Variants in SIL1 observed in about 807,000 individuals in gnomAD.
SIL1 encodes nucleotide exchange factor SIL1.
Under a neutral mutation model 49.1 loss-of-function variants are expected in SIL1, and 40 were observed. That is an observed-to-expected ratio of 0.81 (90% CI 0.63 to 1.06). SIL1 has a LOEUF of 1.06. Among genes scored for constraint, SIL1 ranks in the 50% least tolerant of loss-of-function variants. The pLI, the probability that SIL1 is intolerant of heterozygous loss-of-function variation, is 0.00. For missense variants in SIL1, 500 were observed against 572.6 expected (o/e 0.87, Z 1.29); for synonymous variants, 253 against 250.8 (o/e 1.01, Z -0.08).
chr5:139,147,769 A>C (rs542396000), intron 1 of SIL1, among the ~76,000 whole-genome samples: 183 of 152,388 alleles, frequency 1.2e-3, no homozygotes, highest in African/African-American at 4.3e-3. Context: ...ATTAGCTGAT[A>C]TTTAAATAAC....
At chr5:138,967,720 C>T (rs1298647201) in intron 7 of SIL1, among the ~76,000 whole-genome samples, 1 of 152,186 alleles carries the variant, frequency 6.6e-6, no homozygotes, top group Non-Finnish European at 1.5e-5. Context: ...GTGTGGATAT[C>T]AATGCCACAT....
At chr5:138,969,696 G>A (rs1046215932) in intron 7 of SIL1, among the ~76,000 whole-genome samples, 3 of 152,252 alleles carry the variant, frequency 2.0e-5, no homozygotes, top group African/African-American at 4.8e-5. Flanking sequence ...TATACGATCA[G>A]AAAGAATTGC....
chr5:139,152,073 G>C (rs753252763), intron 1 of SIL1, among the ~76,000 whole-genome samples: 1 of 152,224 alleles, frequency 6.6e-6, no homozygotes, highest in Non-Finnish European at 1.5e-5. Context: ...AGAGCAGGCA[G>C]AGCTGCAGCA....
At chr5:139,053,753 CTCCTCATCCT>C in intron 3 of SIL1, among the ~76,000 whole-genome samples, 1 of 152,232 alleles carries the variant, frequency 6.6e-6, no homozygotes. Context: ...CAGCCTCCAT[CTCCTCATCCT>C]TCCAATCCCA....
chr5:139,056,688 G>A (rs1769446998), intron 3 of SIL1, among the ~76,000 whole-genome samples: 2 of 150,908 alleles, frequency 1.3e-5, no homozygotes, highest in Non-Finnish European at 3.0e-5. Flanking sequence ...CGTCCGGGAG[G>A]GAGGTGGGGG....
At chr5:139,184,573 T>A (rs955131482) in intron 1 of SIL1, among the ~76,000 whole-genome samples, 3 of 152,032 alleles carry the variant, frequency 2.0e-5, no homozygotes, top group African/African-American at 7.2e-5. Flanking sequence ...CTCAGGAGGC[T>A]GAGGTGGGAG....
chr5:139,115,480 C>T (rs1227723750), intron 3 of SIL1, among the ~76,000 whole-genome samples: 1 of 152,108 alleles, frequency 6.6e-6, no homozygotes, highest in Non-Finnish European at 1.5e-5. Context: ...AGCCCCAGCC[C>T]CACTCTGACC....
At chr5:139,032,968 C>G (rs1229031767) in intron 5 of SIL1, 1 of 151,880 alleles carries the variant, frequency 6.6e-6, no homozygotes, top group Non-Finnish European at 1.5e-5. Context: ...GTTTGTCAGT[C>G]TTGTGGATTT....
At chr5:139,188,510 A>G (rs1309584763) in intron 1 of SIL1, among the ~76,000 whole-genome samples, 1 of 152,134 alleles carries the variant, frequency 6.6e-6, no homozygotes, top group Non-Finnish European at 1.5e-5. Context: ...ACTCAACTTG[A>G]GATCAAAATA....
intron 5 of SIL1, among the ~76,000 whole-genome samples, chr5:139,040,311 C>G (rs1769010058): frequency 6.6e-6 from 1 of 151,988 alleles, no homozygotes. Context: ...AGAAGGATGC[C>G]AGGACTTAGC....
At chr5:139,061,621 C>G (rs191483713) in intron 3 of SIL1, among the ~76,000 whole-genome samples, 1 of 152,292 alleles carries the variant, frequency 6.6e-6, no homozygotes, top group East Asian at 1.9e-4. Flanking sequence ...CCCTAATGTG[C>G]TACATTGTTG....
chr5:139,106,891 T>G (rs1770724871), intron 3 of SIL1, among the ~76,000 whole-genome samples: 2 of 152,266 alleles, frequency 1.3e-5, no homozygotes, highest in Admixed American at 1.3e-4. Context: ...ATTATTTTTC[T>G]TTCTCTGGAT....
intron 1 of SIL1, among the ~76,000 whole-genome samples, chr5:139,173,191 T>C (rs1751810125): frequency 2.6e-5 from 4 of 152,312 alleles, no homozygotes; most frequent in South Asian, 2.1e-4. Context: ...TACAGTGTTA[T>C]AACTTCAGGA....
intron 7 of SIL1, among the ~76,000 whole-genome samples, chr5:138,973,796 G>A (rs1340844954): frequency 6.6e-6 from 1 of 152,004 alleles, no homozygotes; most frequent in Non-Finnish European, 1.5e-5. Context: ...ATGTTGCCCA[G>A]GCTGGTCTCA....
intron 3 of SIL1, among the ~76,000 whole-genome samples, chr5:139,118,471 C>T (rs1034323391): frequency 6.6e-6 from 1 of 152,206 alleles, no homozygotes; most frequent in Non-Finnish European, 1.5e-5. Flanking sequence ...CAGGGCAGGA[C>T]ACTTCCCCCA....
At chr5:139,021,509 C>T (rs547831810) in intron 6 of SIL1, among the ~76,000 whole-genome samples, 7 of 152,182 alleles carry the variant, frequency 4.6e-5, no homozygotes, top group Non-Finnish European at 5.9e-5. Flanking sequence ...TGAGCACCTG[C>T]GTGGGAATCA....
chr5:139,133,577 G>T (rs1407684903), intron 1 of SIL1: 1 of 152,230 alleles, frequency 6.6e-6, no homozygotes, highest in Admixed American at 6.5e-5. Context: ...GAGCAGTATT[G>T]CTGGGTCTCT....
intron 7 of SIL1, among the ~76,000 whole-genome samples, chr5:138,987,034 T>C (rs756813929): frequency 1.3e-5 from 2 of 152,072 alleles, no homozygotes; most frequent in East Asian, 1.9e-4. Context: ...GGAAAAAAAA[T>C]TGGGTCAATT....
chr5:139,170,216 A>G (rs1159032144), intron 1 of SIL1, among the ~76,000 whole-genome samples: 1 of 152,116 alleles, frequency 6.6e-6, no homozygotes, highest in African/African-American at 2.4e-5. Flanking sequence ...TCGGCTCGCT[A>G]CAACCTCCAC....
Sources: allele counts gnomAD v4.1 joint callset (sites outside exome capture counted in the v4.1 genomes callset), GRCh38; gene constraint gnomAD v4.1.1; transcripts MANE v1.5; gene names NCBI Gene and HGNC (gene_info 2026-07-23, HGNC 2026-07-21).